Variants in BNC1 observed in about 807,000 individuals in gnomAD.
BNC1 encodes zinc finger protein basonuclin-1.
Under a neutral mutation model 66.5 loss-of-function variants are expected in BNC1, and 8 were observed. That is an observed-to-expected ratio of 0.12 (90% CI 0.07 to 0.22). The LOEUF is 0.22. Ranked by LOEUF, BNC1 falls within the 10% of genes least tolerant of loss-of-function variation. The pLI is 1.00. For missense variants in BNC1, 1,069 were observed against 1,241.3 expected, an observed-to-expected ratio of 0.86 and a Z score of 2.09; for synonymous variants, 454 against 452.6, an observed-to-expected ratio of 1.00 and a Z score of -0.04.
intron 1 of BNC1, among the ~76,000 whole-genome samples, chr15:83,280,357 G>C (rs139810981): frequency 2.0e-5 from 3 of 152,242 alleles, no homozygotes; most frequent in South Asian, 4.1e-4. Flanking sequence ...GAACATAGTT[G>C]AATCAGCCTG....
intron 1 of BNC1, among the ~76,000 whole-genome samples, 157 bp from the exon 2 acceptor site, chr15:83,268,389 A>G (rs1254146974): frequency 6.6e-6 from 1 of 152,232 alleles, no homozygotes; most frequent in Non-Finnish European, 1.5e-5. Flanking sequence ...GTACTCTGGA[A>G]AGATGAGCAG....
chr15:83,260,632 TA>T (rs2038129929), intron 4 of BNC1, among the ~76,000 whole-genome samples: 1 of 152,204 alleles, frequency 6.6e-6, no homozygotes, highest in Non-Finnish European at 1.5e-5. Context: ...TCTCCTCCAC[TA>T]CAGAAGGCCT....
intron 1 of BNC1, among the ~76,000 whole-genome samples, chr15:83,284,247 C>T (rs1450857165): frequency 1.3e-5 from 2 of 152,114 alleles, no homozygotes; most frequent in East Asian, 3.9e-4. Context: ...GCTGGCCCGC[C>T]GGCACCTCCG....
intron 1 of BNC1, among the ~76,000 whole-genome samples, chr15:83,273,345 A>C (rs1311909732): frequency 6.6e-6 from 1 of 152,244 alleles, no homozygotes; most frequent in African/African-American, 2.4e-5. Context: ...TTCTAAAATG[A>C]AATTAAATGA....
At chr15:83,279,800 C>T (rs1595943310) in intron 1 of BNC1, among the ~76,000 whole-genome samples, 1 of 152,282 alleles carries the variant, frequency 6.6e-6, no homozygotes, top group South Asian at 2.1e-4. Flanking sequence ...AAACACAACA[C>T]TAAAGGAGAA....
intron 1 of BNC1, among the ~76,000 whole-genome samples, chr15:83,282,893 CA>C (rs1209729386): frequency 2.0e-5 from 3 of 152,218 alleles, no homozygotes; most frequent in African/African-American, 7.2e-5. Context: ...CTCTCCCTGA[CA>C]GGGATTCCCA....
chr15:83,263,306 C>T lies in BNC1; in HGVS notation c.1945G>A (p.Val649Ile), dbSNP rs2038167484. The change falls in exon 4 of 5, where the codon GTC (valine) becomes ATC (isoleucine). Residue 649 changes from valine (V) to isoleucine (I), a missense_variant. Physicochemically the swap from Val to Ile is conservative, Grantham distance 29 (BLOSUM62 3). Around this residue, in one of 7 missense-constraint regions of BNC1, gnomAD observed 657 missense variants for 715.8 expected, o/e 0.92. Coordinates refer to ENST00000345382, the MANE Select transcript of BNC1 (RefSeq NM_001717.4). The stretch of plus-strand genomic sequence containing the variant: ...TAGTGTTCATGGCCACCATCCTCGA[C>T]CTCCCTTGGCACCATGATCAATGCT... ...TPALIMVPRE[V>I]EDGGHEHYFT... is the part of the protein sequence containing the mutation. 1 of 1,614,108 alleles carries T rather than the reference C, an allele frequency of 6.2e-7. No individual in the cohort carries two copies. The highest frequency in any genetic ancestry group is 1.1e-5 in the South Asian group (1 of 91,094).
rs764840209 is a variant in BNC1, at chr15:83,257,656, G to C, written c.2771C>G (p.Ser924Cys). The change falls in exon 5 of 5, where the codon TCT becomes TGT. Residue 924 changes from serine to cysteine, a missense_variant. Ser to Cys is a moderately radical substitution (Grantham distance 112). Around this residue, in one of 7 missense-constraint regions of BNC1, gnomAD observed 657 missense variants for 715.8 expected, o/e 0.92. Coordinates refer to ENST00000345382, the MANE Select transcript of BNC1 (RefSeq NM_001717.4). ...GAGATGACAGGTTATGGGCAACCCA[G>C]AAGGCAGGCTAGCAAGGCTCTGGTC... ...KADQSLASLPSGLPITCHLCQ... is the reference protein window; with the variant it reads ...KADQSLASLPCGLPITCHLCQ... The C allele has an allele frequency of 9.9e-6, 16 of 1,614,154 alleles. No individual in the cohort carries two copies. The highest frequency in any genetic ancestry group is 1.2e-5 in the Non-Finnish European group (14 of 1,180,030).
intron 3 of BNC1, among the ~76,000 whole-genome samples, chr15:83,265,735 A>C (rs893780617): frequency 6.6e-6 from 1 of 152,148 alleles, no homozygotes; most frequent in African/African-American, 2.4e-5. Flanking sequence ...AGTGAGTACA[A>C]ATTCTGGGTC....
intron 1 of BNC1, among the ~76,000 whole-genome samples, chr15:83,283,908 TTTG>T (rs928334559): frequency 2.0e-5 from 3 of 152,218 alleles, no homozygotes; most frequent in South Asian, 4.1e-4. Flanking sequence ...TGTTTTGTTT[TTTG>T]TTGTTGTTGT....
intron 1 of BNC1, among the ~76,000 whole-genome samples, chr15:83,271,246 C>CA (rs1480683105): frequency 3.9e-5 from 6 of 152,012 alleles, no homozygotes; most frequent in Middle Eastern, 3.2e-3. Flanking sequence ...GACTCTGCCT[C>CA]AAAAAACAAA....
intron 1 of BNC1, among the ~76,000 whole-genome samples, chr15:83,275,362 G>C (rs867603157): frequency 6.6e-6 from 1 of 152,154 alleles, no homozygotes; most frequent in Non-Finnish European, 1.5e-5. Context: ...CAGGCGTGGT[G>C]GCGCATGCCT....
intron 1 of BNC1, among the ~76,000 whole-genome samples, chr15:83,283,988 G>A (rs1228765751): frequency 1.3e-5 from 2 of 152,214 alleles, no homozygotes; most frequent in African/African-American, 4.8e-5. Context: ...CGTCTCCGCA[G>A]TTCTCCTCAG....
chr15:83,267,481 T>A (rs1246762625), intron 2 of BNC1, among the ~76,000 whole-genome samples: 1 of 152,150 alleles, frequency 6.6e-6, no homozygotes, highest in Admixed American at 6.5e-5. Context: ...CATTTTCTAG[T>A]TGTGGGGCTT....
In BNC1 at chr15:83,264,118, G is replaced by A. The variant is rs1475077130; in HGVS notation, c.1133C>T (p.Ala378Val). ...CTTATGCTTGATCTTCAAGTGGACGGCATTGTAGTGGATTTTGAGGGTGCC... is the reference window on the plus strand; with the variant it reads ...CTTATGCTTGATCTTCAAGTGGACGACATTGTAGTGGATTTTGAGGGTGCC... ...DKGTLKIHYN[A>V]VHLKIKHKCT... The change falls in exon 4 of 5, where the codon GCC becomes GTC. Residue 378 changes from alanine (A) to valine (V), a missense_variant. Physicochemically the swap from Ala to Val is moderately conservative, Grantham distance 64. Around this residue, in one of 7 missense-constraint regions of BNC1, gnomAD observed 82 missense variants for 136.3 expected, o/e 0.60. Transcript: ENST00000345382. 1 of 1,614,158 alleles carries A rather than the reference G, an allele frequency of 6.2e-7. No homozygotes were observed.
Position 83,264,492 on chromosome 15 carries a change from A to T in BNC1, c.759T>A (p.Pro253=), listed in dbSNP as rs2038193350. 4 of 1,614,118 alleles carry T rather than the reference A, an allele frequency of 2.5e-6. No individual in the cohort carries two copies. The highest frequency in any genetic ancestry group is 3.3e-4 in the Middle Eastern group (2 of 6,060). ...CGGGCAATGACCCTATCAGTGCAGG[A>T]GGCAGAGGGTTGAAGAACTGGAAAG... ...MLPFQFFNPL[P]PALIGSLPEQ... is the part of the protein sequence containing the mutation. Residue 253 remains proline (P), a synonymous_variant, in exon 4 of 5, where the codon CCT becomes CCA. Coordinates refer to ENST00000345382, the MANE Select transcript of BNC1 (RefSeq NM_001717.4).
chr15:83,275,357 G>A (rs1003851792), intron 1 of BNC1, among the ~76,000 whole-genome samples: 4 of 152,116 alleles, frequency 2.6e-5, no homozygotes, highest in Admixed American at 6.5e-5. Flanking sequence ...TTAGCCAGGC[G>A]TGGTGGCGCA....
intron 1 of BNC1, chr15:83,283,032 C>T: frequency 7.4e-7 from 1 of 1,356,416 alleles, no homozygotes; most frequent in South Asian, 1.3e-5. Flanking sequence ...GCCATAAAAC[C>T]AGGGGACGTT....
chr15:83,262,905 G>A, intron 4 of BNC1, 46 bp downstream of exon 4: 1 of 1,522,846 alleles, frequency 6.6e-7, no homozygotes, highest in Admixed American at 2.1e-5. Context: ...TGTTAAACTT[G>A]AAGAGCCACT....
Sources: allele counts gnomAD v4.1 joint callset (sites outside exome capture counted in the v4.1 genomes callset), GRCh38; gene constraint gnomAD v4.1.1; regional missense constraint gnomAD v4.1.1; transcripts MANE v1.5; gene names NCBI Gene and HGNC (gene_info 2026-07-23, HGNC 2026-07-21).